Variants in CTNNA3 observed in about 807,000 individuals in gnomAD.
CTNNA3 encodes catenin alpha 3.
In CTNNA3, 76 loss-of-function variants were observed where a neutral mutation model predicts 95.7. The observed-to-expected ratio is 0.79, with a 90% CI of 0.66 to 0.96. The LOEUF (loss-of-function observed/expected upper bound fraction) is 0.96, where lower values mean the gene tolerates loss of function less well. CTNNA3 is among the 40% of genes least tolerant of loss of function. The pLI, the probability that CTNNA3 is intolerant of heterozygous loss-of-function variation, is 0.00. For missense variants in CTNNA3, 1,191 were observed against 1,089.8 expected, an observed-to-expected ratio of 1.09 and a Z score of -1.31; for synonymous variants, 431 against 374.4, an observed-to-expected ratio of 1.15 and a Z score of -1.74.
intron 5 of CTNNA3, among the ~76,000 whole-genome samples, chr10:67,442,934 A>G: frequency 7.8e-6 from 1 of 127,646 alleles, no homozygotes; most frequent in Admixed American, 7.7e-5. Context: ...TCCTAATGCT[A>G]TCCCTCCCCC....
chr10:66,009,538 T>C (rs1286498234), intron 15 of CTNNA3, among the ~76,000 whole-genome samples: 1 of 152,222 alleles, frequency 6.6e-6, no homozygotes, highest in Non-Finnish European at 1.5e-5. Context: ...AAAGAAACTT[T>C]CTAATATTTT....
intron 1 of CTNNA3, among the ~76,000 whole-genome samples, chr10:67,712,929 T>C (rs576585457): frequency 2.1e-4 from 32 of 152,216 alleles, no homozygotes; most frequent in African/African-American, 7.5e-4. Context: ...CCAAAATTGA[T>C]AAATTGATCT....
At chr10:66,709,256 A>G (rs556516558) in intron 9 of CTNNA3, among the ~76,000 whole-genome samples, 1 of 152,060 alleles carries the variant, frequency 6.6e-6, no homozygotes, top group Non-Finnish European at 1.5e-5. Context: ...AGTCCACGGA[A>G]TTTCCTGTGC....
intron 15 of CTNNA3, among the ~76,000 whole-genome samples, chr10:66,052,882 T>C (rs1252033872): frequency 2.6e-5 from 4 of 152,088 alleles, no homozygotes; most frequent in Non-Finnish European, 5.9e-5. Context: ...AAATGAGACA[T>C]GACGAGGTTG....
At chr10:67,581,555 A>G (rs1419619253) in intron 3 of CTNNA3, among the ~76,000 whole-genome samples, 1 of 152,188 alleles carries the variant, frequency 6.6e-6, no homozygotes, top group African/African-American at 2.4e-5. Context: ...CTTTGGTATC[A>G]GGATGATGCT....
chr10:66,734,166 A>G (rs1849054593), intron 9 of CTNNA3, among the ~76,000 whole-genome samples: 1 of 151,938 alleles, frequency 6.6e-6, no homozygotes, highest in Non-Finnish European at 1.5e-5. Flanking sequence ...AAAAATATTG[A>G]CTTTTTAAAG....
At chr10:66,226,575 C>CTT (rs201437965) in intron 13 of CTNNA3, among the ~76,000 whole-genome samples, 8 of 138,654 alleles carry the variant, frequency 5.8e-5, no homozygotes, top group Middle Eastern at 3.5e-3. Context: ...ATTTTTTTTC[C>CTT]TTTTTTTTTT....
chr10:67,085,527 A>C (rs1295841851), intron 7 of CTNNA3, among the ~76,000 whole-genome samples: 1 of 151,966 alleles, frequency 6.6e-6, no homozygotes, highest in Non-Finnish European at 1.5e-5. Context: ...TGTGCTCATA[A>C]AATTTAGAAG....
intron 5 of CTNNA3, among the ~76,000 whole-genome samples, chr10:67,471,083 C>A (rs911020756): frequency 6.6e-6 from 1 of 152,008 alleles, no homozygotes. Context: ...TCCCAAAGCA[C>A]GGGGGGGTGG....
At chr10:66,420,210 G>A (rs1031607693) in intron 11 of CTNNA3, among the ~76,000 whole-genome samples, 1 of 152,104 alleles carries the variant, frequency 6.6e-6, no homozygotes, top group Non-Finnish European at 1.5e-5. Context: ...TAAGTAAGAA[G>A]TAGGCACAGA....
intron 7 of CTNNA3, among the ~76,000 whole-genome samples, chr10:66,998,309 C>T (rs1851472072): frequency 6.6e-6 from 1 of 152,000 alleles, no homozygotes; most frequent in Non-Finnish European, 1.5e-5. Flanking sequence ...GTACTAGTTG[C>T]AGGAATAAAA....
chr10:66,593,189 C>G (rs770976297), intron 10 of CTNNA3, among the ~76,000 whole-genome samples: 1 of 152,120 alleles, frequency 6.6e-6, no homozygotes, highest in African/African-American at 2.4e-5. Context: ...CTTAGACATA[C>G]TGAATTCACC....
intron 7 of CTNNA3, among the ~76,000 whole-genome samples, chr10:66,904,463 A>G (rs576036066): frequency 1.3e-5 from 2 of 152,178 alleles, no homozygotes; most frequent in Admixed American, 1.3e-4. Context: ...ATGGGCAAAG[A>G]CTTCATGACT....
intron 7 of CTNNA3, among the ~76,000 whole-genome samples, chr10:66,804,083 T>C (rs1320208543): frequency 6.6e-6 from 1 of 151,954 alleles, no homozygotes; most frequent in Non-Finnish European, 1.5e-5. Flanking sequence ...ACTAGGTGTC[T>C]AGTTTATTGT....
chr10:66,306,530 T>A (rs765850669), intron 12 of CTNNA3, among the ~76,000 whole-genome samples: 5 of 152,206 alleles, frequency 3.3e-5, no homozygotes, highest in Non-Finnish European at 7.3e-5. Flanking sequence ...CCTAATCTAT[T>A]GTTTTGCTAG....
chr10:66,784,824 C>T (rs1840678193), intron 7 of CTNNA3, among the ~76,000 whole-genome samples: 1 of 152,110 alleles, frequency 6.6e-6, no homozygotes, highest in South Asian at 2.1e-4. Context: ...CTGGAATTCC[C>T]ATTCTCCTCC....
intron 5 of CTNNA3, among the ~76,000 whole-genome samples, chr10:67,249,234 C>T (rs534186278): frequency 1.3e-4 from 19 of 151,900 alleles, no homozygotes; most frequent in Non-Finnish European, 2.4e-4. Flanking sequence ...GCTATAAAAA[C>T]TCAATAATAA....
At chr10:67,598,662 A>T (rs1181994656) in intron 3 of CTNNA3, among the ~76,000 whole-genome samples, 2 of 152,154 alleles carry the variant, frequency 1.3e-5, no homozygotes, top group Non-Finnish European at 2.9e-5. Flanking sequence ...GACTCTTGAA[A>T]TACTAGAAAC....
intron 7 of CTNNA3, among the ~76,000 whole-genome samples, chr10:66,989,116 T>A (rs1850895806): frequency 6.6e-6 from 1 of 152,212 alleles, no homozygotes. Context: ...TTTACTTTGA[T>A]GGCTCTTGTC....
Sources: allele counts gnomAD v4.1 joint callset (sites outside exome capture counted in the v4.1 genomes callset), GRCh38; gene constraint gnomAD v4.1.1; transcripts MANE v1.5; gene names NCBI Gene and HGNC (gene_info 2026-07-23, HGNC 2026-07-21).